The following LETM1 variants were observed in gnomAD, a reference collection of about 807,000 sequenced individuals.
LETM1 encodes the protein mitochondrial proton/calcium exchanger protein.
A neutral mutation model predicts 74.5 loss-of-function variants in LETM1; 50 were observed. That is an observed-to-expected ratio of 0.67 (90% CI 0.53 to 0.85). The LOEUF is 0.85. Among genes scored for constraint, LETM1 ranks in the 40% least tolerant of loss-of-function variants. The pLI is 0.00. For missense variants in LETM1, 824 were observed against 967.8 expected (o/e 0.85, Z 1.97); for synonymous variants, 446 against 407.1 (o/e 1.10, Z -1.15).
At chr4:1,839,933 T>G (rs138815759) in intron 3 of LETM1, among the ~76,000 whole-genome samples, 55 of 152,134 alleles carry the variant, frequency 3.6e-4, no homozygotes, top group African/African-American at 1.3e-3. Context: ...CTATGCTTTA[T>G]AGTAAACTGA....
intron 11 of LETM1, among the ~76,000 whole-genome samples, chr4:1,817,868 C>A (rs973892698): frequency 1.3e-5 from 2 of 152,166 alleles, no homozygotes; most frequent in African/African-American, 4.8e-5. Flanking sequence ...AACTCCCAGC[C>A]TCCCACTCCC....
intron 3 of LETM1, 117 bp downstream of exon 3, chr4:1,841,229 CA>C (rs993532755): frequency 1.0e-5 from 9 of 884,644 alleles, no homozygotes; most frequent in African/African-American, 1.0e-4. Flanking sequence ...CCTGTGGTCC[CA>C]GATACTCGGG....
intron 6 of LETM1, 32 bp downstream of exon 6, chr4:1,832,712 A>C: frequency 5.6e-6 from 9 of 1,598,338 alleles, no homozygotes; most frequent in Non-Finnish European, 7.7e-6. Flanking sequence ...GTAAAACACC[A>C]GAGCTGTGGC....
rs532695923 is a variant in LETM1 at position 1,833,367 on chromosome 4, G to A, written c.877-420C>T. ...TGACTCCGGTGCTGGGCTAGCCTGGGGAAAGGTGGCGTCTGGCCTGTGGAC... is the reference window on the plus strand; with the variant it reads ...TGACTCCGGTGCTGGGCTAGCCTGGAGAAAGGTGGCGTCTGGCCTGTGGAC... On this transcript the variant is annotated intron_variant, in intron 5 of 13. Coordinates refer to ENST00000302787, the MANE Select transcript of LETM1 (RefSeq NM_012318.3). 5.0e-5 allele frequency: 12 copies of A among 238,258 alleles called. 1 individual carries two copies. In the South Asian group the frequency reaches 7.0e-4, roughly 14 times the overall value. 14.8% of individuals were successfully genotyped at this position (238,258 alleles called of 1,614,324 possible). A position where few individuals can be genotyped will look rare whatever the true frequency, so the allele number is the denominator to read the frequency against.
chr4:1,842,683 C>T (rs1712743764), intron 2 of LETM1, among the ~76,000 whole-genome samples: 1 of 152,224 alleles, frequency 6.6e-6, no homozygotes, highest in Non-Finnish European at 1.5e-5. Flanking sequence ...CTGGCACTAA[C>T]CCAGACCCAT....
chr4:1,846,220 A>C (rs1577326497), intron 2 of LETM1, among the ~76,000 whole-genome samples: 1 of 152,062 alleles, frequency 6.6e-6, no homozygotes, highest in Non-Finnish European at 1.5e-5. Flanking sequence ...TCATTGTTTA[A>C]ATTTTTAAGT....
rs903639433 is a variant in LETM1 at position 1,837,671 on chromosome 4, A to T, written c.595-1099T>A. 5.3e-5 allele frequency among the ~76,000 whole-genome samples: 8 copies of T among 151,798 alleles called. No homozygotes were observed. The East Asian group carries it at 1.3e-3, about 26-fold the overall frequency. ...ATTTTTGGTAAATTTATACATTGCA[A>T]AACCATCACTAAAATCCAAATTTAC... On this transcript the variant is annotated intron_variant, in intron 3 of 13. Transcript: ENST00000302787.
At chr4:1,831,464 G>A (rs762350153) in intron 6 of LETM1, among the ~76,000 whole-genome samples, 16 of 152,218 alleles carry the variant, frequency 1.1e-4, no homozygotes, top group African/African-American at 1.7e-4. Context: ...CATGGTAGAC[G>A]TGACCTTGTT....
chr4:1,813,177 T>G lies in LETM1; in HGVS notation c.*1247A>C, dbSNP rs1330072403. The G allele has an allele frequency of 6.6e-6, 1 of 152,526 alleles. No homozygotes were observed. Among genetic ancestry groups the G allele is most frequent in the East Asian group, 1.9e-4 (1 of 5,332 alleles). 9.4% of individuals were successfully genotyped at this position (152,526 alleles called of 1,614,324 possible). A position where few individuals can be genotyped will look rare whatever the true frequency, so the allele number is the denominator to read the frequency against. On this transcript the variant is annotated 3_prime_UTR_variant, in exon 14 of 14. Transcript: ENST00000302787. ...TCTCCTGTTCCTATTTTGTCAAGTT[T>G]CTTTAATGGCTGAACAGAAAGAAGC...
At chr4:1,844,175 C>A (rs1560504344) in intron 2 of LETM1, among the ~76,000 whole-genome samples, 1 of 152,208 alleles carries the variant, frequency 6.6e-6, no homozygotes, top group Non-Finnish European at 1.5e-5. Context: ...CAGAGTTGGG[C>A]ACACCTGCAG....
chr4:1,852,054 C>G (rs956947626), intron 1 of LETM1, among the ~76,000 whole-genome samples: 1 of 152,100 alleles, frequency 6.6e-6, no homozygotes, highest in African/African-American at 2.4e-5. Context: ...TTCTTTTTTC[C>G]AACACCAACG....
intron 2 of LETM1, chr4:1,843,025 G>A (rs753177791): frequency 1.6e-5 from 6 of 378,224 alleles, no homozygotes; most frequent in Admixed American, 3.1e-5. Context: ...CATGTGTGTC[G>A]CATAACTTCA....
At chr4:1,851,435 G>A (rs1040639321) in intron 1 of LETM1, among the ~76,000 whole-genome samples, 5 of 152,122 alleles carry the variant, frequency 3.3e-5, no homozygotes, top group African/African-American at 7.2e-5. Flanking sequence ...GGACCGATAC[G>A]TCACTTCACC....
intron 2 of LETM1, among the ~76,000 whole-genome samples, chr4:1,845,028 A>G (rs1040062056): frequency 2.8e-4 from 42 of 151,226 alleles, no homozygotes; most frequent in Admixed American, 2.6e-3. Context: ...CGTCTTTACT[A>G]AAAGTACAAA....
chr4:1,822,443 C>A, intron 9 of LETM1, 131 bp from the exon 10 acceptor site: 1 of 1,095,298 alleles, frequency 9.1e-7, no homozygotes. Flanking sequence ...GGCAGCACAC[C>A]TGCCACAGAA....
chr4:1,825,680 T>C lies in LETM1; in HGVS notation c.1084A>G (p.Ile362Val). The change falls in exon 7 of 14, where the codon ATT (isoleucine) becomes GTT (valine). Residue 362 changes from isoleucine (I) to valine (V), a missense_variant. Physicochemically the swap from Ile to Val is conservative, Grantham distance 29. Coordinates refer to ENST00000302787, the MANE Select transcript of LETM1 (RefSeq NM_012318.3). ...AGGCTGTCCACCCCTTCCTCAGCAA[T>C]CAGCTAGAAAACAAAGCAGTGAATT... is the stretch of plus-strand genomic sequence containing the variant. ...LRSIKADDKL[I>V]AEEGVDSLNV... 1 of 1,612,656 alleles carries C rather than the reference T, an allele frequency of 6.2e-7. No individual in the cohort carries two copies. Among genetic ancestry groups the C allele is most frequent in the Admixed American group, 1.7e-5 (1 of 59,862 alleles).
Position 1,813,923 on chromosome 4 carries a change from A to C in LETM1, c.*501T>G, listed in dbSNP as rs148010808. ...CACATCCAACTGAAAGTGTGCAGGA[A>C]GACAGGTCTATTGACACTGAAATCT... is the stretch of plus-strand genomic sequence containing the variant. On this transcript the variant is annotated 3_prime_UTR_variant, in exon 14 of 14. Transcript: ENST00000302787. 2.6e-3 allele frequency: 438 copies of C among 167,612 alleles called. 1 individual carries two copies. Among genetic ancestry groups the C allele is most frequent in the African/African-American group, 9.8e-3 (414 of 42,096 alleles). 10.4% of individuals were successfully genotyped at this position (167,612 alleles called of 1,614,324 possible).
chr4:1,826,910 G>T (rs1161753466), intron 6 of LETM1, among the ~76,000 whole-genome samples: 1 of 152,164 alleles, frequency 6.6e-6, no homozygotes, highest in East Asian at 1.9e-4. Context: ...TGGAGTCGGC[G>T]CTCCACCCAC....
Position 1,812,444 on chromosome 4 carries a change from C to T in LETM1, c.*1980G>A, listed in dbSNP as rs917818278. 6 of 149,680 alleles carry T rather than the reference C, an allele frequency of 4.0e-5. No homozygotes were observed. The highest frequency in any genetic ancestry group is 2.0e-4 in the Admixed American group (3 of 15,004). The allele number at this position is 149,680 out of a possible 1,614,324, so 9.3% of individuals were successfully genotyped here. A position where few individuals can be genotyped will look rare whatever the true frequency, so the allele number is the denominator to read the frequency against. On this transcript the variant is annotated 3_prime_UTR_variant, in exon 14 of 14. Coordinates refer to ENST00000302787, the MANE Select transcript of LETM1 (RefSeq NM_012318.3). ...ACACTGAATTCCTAAATCAGGAATT[C>T]GTTTCATTTTCACCAGGCGCAGATA... is the stretch of plus-strand genomic sequence containing the variant.
Sources: gnomAD v4.1 joint callset for allele counts (sites outside exome capture counted in the v4.1 genomes callset) on GRCh38, gnomAD v4.1.1 for gene constraint, MANE v1.5 for transcripts, NCBI Gene and HGNC (gene_info 2026-07-23, HGNC 2026-07-21) for gene names.